The following FGD5 variants were observed in gnomAD, a reference collection of about 807,000 sequenced individuals.
FGD5 encodes FYVE, RhoGEF and PH domain containing 5, also known as FYVE, RhoGEF and PH domain-containing protein 5.
In FGD5, 28 loss-of-function variants were observed where a neutral mutation model predicts 133.4. The ratio of observed to expected loss-of-function variants is 0.21; its 90% confidence interval spans 0.16 to 0.29. The LOEUF is 0.29. FGD5 is among the 10% of genes least tolerant of loss of function. FGD5 has a pLI of 1.00. For synonymous variants in FGD5, 810 were observed against 776.5 expected, an observed-to-expected ratio of 1.04 and a Z score of -0.72; for missense variants, 1,858 against 1,895.2, an observed-to-expected ratio of 0.98 and a Z score of 0.36.
intron 1 of FGD5, among the ~76,000 whole-genome samples, chr3:14,830,629 A>G (rs2036689298): frequency 6.6e-6 from 1 of 152,252 alleles, no homozygotes; most frequent in South Asian, 2.1e-4. Flanking sequence ...GTGAAATGTC[A>G]GCAGCAGGTC....
chr3:14,857,276 A>T (rs757098116), intron 1 of FGD5, among the ~76,000 whole-genome samples: 1 of 151,872 alleles, frequency 6.6e-6, no homozygotes, highest in Admixed American at 6.5e-5. Flanking sequence ...TCAGCCTCCC[A>T]AGTAGCTGAG....
chr3:14,867,094 A>T (rs1049167270), intron 2 of FGD5, among the ~76,000 whole-genome samples: 1 of 152,232 alleles, frequency 6.6e-6, no homozygotes, highest in Non-Finnish European at 1.5e-5. Flanking sequence ...CTACACTTTA[A>T]TTGCACAAGG....
At chr3:14,857,652 C>T (rs1473143326) in intron 1 of FGD5, among the ~76,000 whole-genome samples, 1 of 152,130 alleles carries the variant, frequency 6.6e-6, no homozygotes, top group East Asian at 1.9e-4. Flanking sequence ...AGATGGGGGC[C>T]TTTCTACTGG....
intron 1 of FGD5, among the ~76,000 whole-genome samples, chr3:14,857,552 G>T (rs947936059): frequency 6.6e-6 from 1 of 152,154 alleles, no homozygotes; most frequent in Non-Finnish European, 1.5e-5. Context: ...TTTGGGGCTT[G>T]AGAAAACAAA....
intron 1 of FGD5, among the ~76,000 whole-genome samples, chr3:14,830,567 T>A (rs759290773): frequency 5.9e-5 from 9 of 152,138 alleles, no homozygotes; most frequent in Non-Finnish European, 1.3e-4. Context: ...CCGTAGGAGG[T>A]GTGAATATAA....
intron 1 of FGD5, among the ~76,000 whole-genome samples, chr3:14,852,655 G>A (rs1424319270): frequency 6.6e-6 from 1 of 152,226 alleles, no homozygotes; most frequent in Non-Finnish European, 1.5e-5. Flanking sequence ...CGTTTTAAGA[G>A]GAGGGGTGGG....
chr3:14,903,824 T>C, intron 9 of FGD5, among the ~76,000 whole-genome samples: 1 of 152,128 alleles, frequency 6.6e-6, no homozygotes, highest in East Asian at 1.9e-4. Context: ...TGGTGTCTTG[T>C]TCTAGGGTCC....
chr3:14,915,760 A>G (rs1345945479), intron 11 of FGD5, among the ~76,000 whole-genome samples: 3 of 151,684 alleles, frequency 2.0e-5, no homozygotes, highest in African/African-American at 7.3e-5. Flanking sequence ...TCCCTGGTTC[A>G]TGTTCCCAGG....
At chr3:14,881,142 T>G (rs1559491576) in intron 4 of FGD5, among the ~76,000 whole-genome samples, 1 of 152,042 alleles carries the variant, frequency 6.6e-6, no homozygotes, top group Non-Finnish European at 1.5e-5. Flanking sequence ...TGTGTGATGT[T>G]TATGTTCGTA....
chr3:14,818,027 A>G (rs1289702388), upstream of FGD5, among the ~76,000 whole-genome samples: 1 of 152,176 alleles, frequency 6.6e-6, no homozygotes, highest in Admixed American at 6.5e-5. Context: ...TTATCCTGCA[A>G]ATCTTAGCTA....
intron 4 of FGD5, among the ~76,000 whole-genome samples, chr3:14,888,970 A>G (rs112142615): frequency 4.6e-5 from 7 of 152,190 alleles, no homozygotes; most frequent in South Asian, 2.1e-4. Context: ...GCAGCAATCT[A>G]TGTTTTCCTA....
chr3:14,813,505 CAT>C (rs1317491514), intron 1 of FGD5, among the ~76,000 whole-genome samples: 3 of 152,298 alleles, frequency 2.0e-5, no homozygotes, highest in East Asian at 1.9e-4. Context: ...ACTCTTGTAA[CAT>C]ATGGTTATGA....
Position 14,918,775 on chromosome 3 carries a change from A to G in FGD5, c.3511A>G (p.Lys1171Glu). The change falls in exon 13 of 20, where the codon AAA (lysine) becomes GAA (glutamate). Residue 1171 changes from lysine (K) to glutamate (E), a missense_variant. Around this residue, in one of 3 missense-constraint regions of FGD5, gnomAD observed 1,824 missense variants for 1,848.9 expected, o/e 0.99. Coordinates refer to ENST00000285046, the MANE Select transcript of FGD5 (RefSeq NM_152536.4). ...NMKVSRPVME[K>E]VPYALKIETS... ...CCAGGTCAGCCGCCCTGTGATGGAG[A>G]AAGTGCCCTACGCTCTAAAGATTGA... 6.2e-7 allele frequency: 1 copy of G among 1,613,912 alleles called. No individual in the cohort carries two copies. The highest frequency in any genetic ancestry group is 8.5e-7 in the Non-Finnish European group (1 of 1,179,876).
At chr3:14,895,688 CCT>C (rs1413293391) in intron 4 of FGD5, among the ~76,000 whole-genome samples, 2 of 151,990 alleles carry the variant, frequency 1.3e-5, no homozygotes, top group Non-Finnish European at 2.9e-5. Flanking sequence ...ATCCTCCCAG[CCT>C]CTCAAATAGC....
intron 1 of FGD5, among the ~76,000 whole-genome samples, chr3:14,863,831 A>G (rs1015824186): frequency 3.9e-5 from 6 of 152,174 alleles, no homozygotes; most frequent in African/African-American, 1.2e-4. Flanking sequence ...CCCAGATTCA[A>G]CATCTTCTGC....
At chr3:14,867,889 G>C (rs1016123638) in intron 2 of FGD5, among the ~76,000 whole-genome samples, 1 of 152,170 alleles carries the variant, frequency 6.6e-6, no homozygotes, top group Admixed American at 6.5e-5. Context: ...GTGTGATTGA[G>C]GAGTGGTCAC....
At chr3:14,822,733 A>C (rs1305586496) in intron 1 of FGD5, among the ~76,000 whole-genome samples, 5 of 152,214 alleles carry the variant, frequency 3.3e-5, no homozygotes, top group Admixed American at 2.6e-4. Context: ...ATTAACGAGA[A>C]ACAAAAGTGG....
At chr3:14,827,465 G>A (rs1242389352) in intron 1 of FGD5, among the ~76,000 whole-genome samples, 1 of 151,760 alleles carries the variant, frequency 6.6e-6, no homozygotes, top group African/African-American at 2.4e-5. Flanking sequence ...GTATTTTTTA[G>A]TAGAGACTGG....
intron 1 of FGD5, among the ~76,000 whole-genome samples, chr3:14,822,159 T>C (rs1559468908): frequency 1.3e-5 from 2 of 152,026 alleles, no homozygotes; most frequent in Non-Finnish European, 2.9e-5. Context: ...ATATTCTGTG[T>C]GAAAGCAGTG....
Sources: gnomAD v4.1 joint callset for allele counts (sites outside exome capture counted in the v4.1 genomes callset) on GRCh38, gnomAD v4.1.1 for gene constraint, gnomAD v4.1.1 regional missense constraint, MANE v1.5 for transcripts, NCBI Gene and HGNC (gene_info 2026-07-23, HGNC 2026-07-21) for gene names.